Variants in YJU2 observed in about 807,000 individuals in gnomAD.
The protein encoded by YJU2 is YJU2 splicing factor homolog, also known as splicing factor YJU2.
YJU2 carries 28 observed loss-of-function variants against 39.6 expected under a neutral mutation model. The ratio of observed to expected loss-of-function variants is 0.71; its 90% confidence interval spans 0.52 to 0.97. YJU2 has a LOEUF of 0.97. Ranked by LOEUF, YJU2 falls within the 50% of genes least tolerant of loss-of-function variation. The pLI is 0.00. For missense variants in YJU2, 328 were observed against 430.4 expected (o/e 0.76, Z 2.11); for synonymous variants, 184 against 182.4 (o/e 1.01, Z -0.07).
intron 5 of YJU2, among the ~76,000 whole-genome samples, chr19:4,260,465 G>A (rs1355665259): frequency 2.6e-5 from 4 of 151,122 alleles, no homozygotes; most frequent in South Asian, 2.1e-4. Context: ...AGGTGCGGTC[G>A]GTGGCTCACG....
In YJU2 at chr19:4,268,680, G is replaced by T. The variant is rs1466720347; in HGVS notation, c.956G>T (p.Ser319Ile). The change falls in exon 8 of 8, where the codon AGC (serine) becomes ATC (isoleucine). Residue 319 changes from serine to isoleucine, a missense_variant. This residue lies in a region of YJU2 where 244 missense variants were observed against 264.6 expected (regional missense o/e 0.92). Transcript: ENST00000262962. ...GGTGCATACCTGGACAGTGACGACA[G>T]CAACGGCAGCAACTGAGCCCTCCCA... Reference protein sequence around the residue: ...QLGAYLDSDDSNGSN With the variant: ...QLGAYLDSDDINGSN 23 of 1,612,914 alleles carry T rather than the reference G, an allele frequency of 1.4e-5. No homozygotes were observed. The highest frequency in any genetic ancestry group is 1.9e-5 in the Non-Finnish European group (22 of 1,179,276).
intron 4 of YJU2, among the ~76,000 whole-genome samples, chr19:4,256,773 G>A (rs1253542653): frequency 6.6e-6 from 1 of 152,184 alleles, no homozygotes; most frequent in Non-Finnish European, 1.5e-5. Flanking sequence ...TTGGCTGTCA[G>A]CCTCAGTTCC....
chr19:4,247,633 GTGTGTGTGTGTGTGTGTGTGTGTGT>G (rs1970938477), intron 1 of YJU2, among the ~76,000 whole-genome samples: 23 of 64,318 alleles, frequency 3.6e-4, no homozygotes, highest in African/African-American at 8.1e-4. Flanking sequence ...GTGTGTGTGT[GTGTGTGTGTGTGTGTGTGTGTGTGT>G]GTGTGTGTGT....
intron 1 of YJU2, 97 bp downstream of exon 1, chr19:4,247,267 T>A: frequency 8.7e-7 from 1 of 1,147,834 alleles, no homozygotes; most frequent in Non-Finnish European, 1.3e-6. Flanking sequence ...TTGGAACCCT[T>A]CTTTCCCAGC....
chr19:4,252,669 A>T (rs1160248894), intron 3 of YJU2, among the ~76,000 whole-genome samples: 1 of 152,188 alleles, frequency 6.6e-6, no homozygotes, highest in Non-Finnish European at 1.5e-5. Context: ...TCACGCCTGT[A>T]ATCCCAACAC....
chr19:4,254,615 A>G, intron 4 of YJU2, 126 bp downstream of exon 4: 1 of 1,380,712 alleles, frequency 7.2e-7, no homozygotes, highest in South Asian at 1.6e-5. Context: ...CGTGGTTGGT[A>G]AAACTTTAAG....
intron 4 of YJU2, 113 bp downstream of exon 4, chr19:4,254,602 G>A (rs1971004288): frequency 3.5e-6 from 5 of 1,411,804 alleles, no homozygotes; most frequent in Non-Finnish European, 4.7e-6. Flanking sequence ...ATGGGGTGGG[G>A]GGCGTGGTTG....
At chr19:4,258,474 C>G in intron 5 of YJU2, 51 bp downstream of exon 5, 1 of 1,533,368 alleles carries the variant, frequency 6.5e-7, no homozygotes. Context: ...TCTGCCCCGG[C>G]AGGCGCTGCC....
intron 4 of YJU2, among the ~76,000 whole-genome samples, chr19:4,255,570 A>T (rs1005003839): frequency 2.6e-5 from 4 of 151,974 alleles, no homozygotes; most frequent in African/African-American, 9.7e-5. Context: ...TCTACTAAAA[A>T]TACAAAAAAT....
At chr19:4,264,693 G>T (rs1971102644) in intron 6 of YJU2, among the ~76,000 whole-genome samples, 1 of 151,992 alleles carries the variant, frequency 6.6e-6, no homozygotes, top group Non-Finnish European at 1.5e-5. Flanking sequence ...CACCATGTTG[G>T]CCAGGCTGAT....
At chr19:4,267,535 C>A in intron 6 of YJU2, 89 bp from the exon 7 acceptor site, 5 of 1,347,510 alleles carry the variant, frequency 3.7e-6, no homozygotes, top group East Asian at 2.3e-5. Context: ...GAAGAGTGGG[C>A]ATGGGGCAGT....
intron 1 of YJU2, among the ~76,000 whole-genome samples, chr19:4,247,562 T>G (rs8112686): frequency 0.031 from 692 of 22,000 alleles, 146 homozygotes; most frequent in African/African-American, 0.18. Flanking sequence ...GTACTTTGGG[T>G]GGGGTGGGGT....
Position 4,247,339 on chromosome 19 carries a change from C to T in YJU2, c.24+169C>T, listed in dbSNP as rs1275953741. The stretch of plus-strand genomic sequence containing the variant: ...TAGACTCCTCCCCATCGCCTTCCGT[C>T]GGGGGGGTGGGCCTTCGCTAAGTCT... On this transcript the variant is annotated intron_variant, in intron 1 of 7. Coordinates refer to ENST00000262962, the MANE Select transcript of YJU2 (RefSeq NM_018074.6). 5 of 593,414 alleles carry T rather than the reference C, an allele frequency of 8.4e-6. No homozygotes were observed. In the Admixed American group the frequency reaches 1.0e-4, roughly 12 times the overall value. 36.8% of individuals were successfully genotyped at this position (593,414 alleles called of 1,614,324 possible).
intron 4 of YJU2, among the ~76,000 whole-genome samples, chr19:4,256,183 T>A (rs75723110): frequency 0.23 from 22,979 of 100,020 alleles, 2,297 homozygotes; most frequent in East Asian, 0.3. Context: ...AAAAAAAAAA[T>A]ATATATATAT....
intron 1 of YJU2, among the ~76,000 whole-genome samples, chr19:4,247,578 GGC>G (rs202241226): frequency 0.25 from 20,774 of 81,954 alleles, 5,739 homozygotes; most frequent in African/African-American, 0.49. Context: ...GGGGTGGGGT[GGC>G]GCGTGTGTGT....
At chr19:4,266,297 G>A (rs968190716) in intron 6 of YJU2, among the ~76,000 whole-genome samples, 5 of 151,970 alleles carry the variant, frequency 3.3e-5, no homozygotes, top group African/African-American at 4.8e-5. Context: ...AGCAGTGGCC[G>A]CCCCTCACAC....
At chr19:4,268,379 ATTGT>A (rs1396907531) in intron 7 of YJU2, among the ~76,000 whole-genome samples, 2 of 152,226 alleles carry the variant, frequency 1.3e-5, no homozygotes, top group Non-Finnish European at 2.9e-5. Context: ...TGCATTGGCC[ATTGT>A]TCAGAAGCGG....
At chr19:4,256,795 G>T (rs2144693194) in intron 4 of YJU2, among the ~76,000 whole-genome samples, 1 of 152,246 alleles carries the variant, frequency 6.6e-6, no homozygotes, top group East Asian at 1.9e-4. Flanking sequence ...CGCTGTGTGG[G>T]GAGCTGCTTG....
At chr19:4,264,634 C>T (rs1308518612) in intron 6 of YJU2, among the ~76,000 whole-genome samples, 1 of 151,790 alleles carries the variant, frequency 6.6e-6, no homozygotes, top group Non-Finnish European at 1.5e-5. Context: ...TTACAGGCGC[C>T]TGCCACCATG....
Sources: allele counts gnomAD v4.1 joint callset (sites outside exome capture counted in the v4.1 genomes callset), GRCh38; gene constraint gnomAD v4.1.1; regional missense constraint gnomAD v4.1.1; transcripts MANE v1.5; gene names NCBI Gene and HGNC (gene_info 2026-07-23, HGNC 2026-07-21).